Variants in GPHN observed in about 807,000 individuals in gnomAD.
GPHN encodes gephyrin.
GPHN carries 17 observed loss-of-function variants against 95.5 expected under a neutral mutation model. The ratio of observed to expected loss-of-function variants is 0.18; its 90% confidence interval spans 0.12 to 0.27. The LOEUF (loss-of-function observed/expected upper bound fraction) is 0.27, where lower values mean the gene tolerates loss of function less well. Among genes scored for constraint, GPHN ranks in the 10% least tolerant of loss-of-function variants. The pLI is 1.00. For synonymous variants in GPHN, 320 were observed against 322.5 expected (o/e 0.99, Z 0.08); for missense variants, 660 against 978.1 (o/e 0.67, Z 4.34).
chr14:67,431,405 A>C, the GPHN span, among the ~76,000 whole-genome samples: 5 of 150,182 alleles, frequency 3.3e-5, no homozygotes, highest in Admixed American at 6.6e-5. Context: ...AAAAAAAAAA[A>C]AAAAAAAAAA....
intron 2 of GPHN, among the ~76,000 whole-genome samples, chr14:66,762,119 T>A (rs1304295559): frequency 7.0e-6 from 1 of 143,128 alleles, no homozygotes; most frequent in Non-Finnish European, 1.5e-5. Flanking sequence ...GCACATAAAA[T>A]AAAACCTTTT....
At chr14:66,596,208 A>G (rs1454782170) in intron 1 of GPHN, among the ~76,000 whole-genome samples, 2 of 152,038 alleles carry the variant, frequency 1.3e-5, no homozygotes, top group African/African-American at 4.8e-5. Context: ...TATGGGCTTC[A>G]GAGGGGAGGA....
the GPHN span, among the ~76,000 whole-genome samples, chr14:67,658,799 G>T: frequency 0.12 from 18,936 of 152,092 alleles, 1,216 homozygotes; most frequent in Admixed American, 0.15. Context: ...GCATCCATTT[G>T]AAAATTTTAA....
chr14:67,659,469 CTG>C, the GPHN span, among the ~76,000 whole-genome samples: 8 of 151,308 alleles, frequency 5.3e-5, no homozygotes, highest in African/African-American at 1.9e-4. Context: ...ATACAAAGCA[CTG>C]TTTTTTTTTT....
chr14:66,646,739 G>A (rs961413317), intron 1 of GPHN, among the ~76,000 whole-genome samples: 10 of 151,970 alleles, frequency 6.6e-5, no homozygotes, highest in Non-Finnish European at 1.2e-4. Flanking sequence ...AGTAGGAAAT[G>A]GGGAGCTGTT....
At chr14:67,557,754 C>A in the GPHN span, among the ~76,000 whole-genome samples, 1 of 152,218 alleles carries the variant, frequency 6.6e-6, no homozygotes, top group Non-Finnish European at 1.5e-5. Flanking sequence ...GGTGGAAACA[C>A]CTCATAGAGC....
At chr14:66,674,832 G>A (rs2066494791) in intron 1 of GPHN, among the ~76,000 whole-genome samples, 1 of 152,152 alleles carries the variant, frequency 6.6e-6, no homozygotes, top group Admixed American at 6.5e-5. Context: ...TTTGATAAAT[G>A]CCCATTCCTG....
At chr14:66,718,691 C>A (rs541211020) in intron 2 of GPHN, among the ~76,000 whole-genome samples, 1 of 152,044 alleles carries the variant, frequency 6.6e-6, no homozygotes, top group African/African-American at 2.4e-5. Context: ...CTGATTGGTG[C>A]GTTTACAATC....
the GPHN span, chr14:67,642,433 T>C: frequency 6.5e-7 from 1 of 1,528,016 alleles, no homozygotes; most frequent in South Asian, 1.2e-5. Context: ...TTAGCTTCTT[T>C]ATCTGTTTCT....
In GPHN at chr14:66,680,739, T is replaced by A. The variant is rs558377946; in HGVS notation, c.65-368T>A. 6.9e-4 allele frequency among the ~76,000 whole-genome samples: 105 copies of A among 152,278 alleles called. 5 individuals carry two copies. Among genetic ancestry groups the A allele is most frequent in the Non-Finnish European group, 4.4e-5 (3 of 68,024 alleles). On this transcript the variant is annotated intron_variant, in intron 1 of 22. Transcript: ENST00000478722. ...TTGCTCGCCAATATTTTTAAAAATA[T>A]GATTTTGTAGTTTGTCTCTTTTTTT...
intron 21 of GPHN, among the ~76,000 whole-genome samples, chr14:67,172,018 G>A (rs2082630452): frequency 6.6e-6 from 1 of 152,142 alleles, no homozygotes; most frequent in Non-Finnish European, 1.5e-5. Context: ...CCCAGTAAAG[G>A]AGTCAACGCT....
At chr14:66,713,559 G>A (rs917620237) in intron 2 of GPHN, among the ~76,000 whole-genome samples, 1 of 152,086 alleles carries the variant, frequency 6.6e-6, no homozygotes, top group Non-Finnish European at 1.5e-5. Flanking sequence ...TTCAAATCAG[G>A]TAGTGTGATG....
intron 6 of GPHN, among the ~76,000 whole-genome samples, chr14:66,917,306 A>T (rs2065963550): frequency 6.6e-6 from 1 of 152,184 alleles, no homozygotes; most frequent in South Asian, 2.1e-4. Flanking sequence ...TCCCAGAATG[A>T]TGCTACTCAG....
At chr14:66,734,086 A>G (rs2072040095) in intron 2 of GPHN, among the ~76,000 whole-genome samples, 1 of 152,164 alleles carries the variant, frequency 6.6e-6, no homozygotes, top group Admixed American at 6.5e-5. Flanking sequence ...CAGTATTTCT[A>G]AATATCTGTT....
At chr14:67,470,360 A>G in the GPHN span, 1 of 152,322 alleles carries the variant, frequency 6.6e-6, no homozygotes, top group Admixed American at 6.5e-5. Context: ...CAATGGGCGC[A>G]CAAACCGGTC....
At chr14:66,859,314 A>G (rs1183337858) in intron 4 of GPHN, among the ~76,000 whole-genome samples, 1 of 152,174 alleles carries the variant, frequency 6.6e-6, no homozygotes, top group Non-Finnish European at 1.5e-5. Context: ...CAGCACAGAG[A>G]GAGACTCCAT....
chr14:66,768,299 GA>G (rs1295019566), intron 2 of GPHN, among the ~76,000 whole-genome samples: 1 of 151,616 alleles, frequency 6.6e-6, no homozygotes, highest in African/African-American at 2.4e-5. Flanking sequence ...TATCCTAATG[GA>G]AAAAAAGTAT....
the GPHN span, chr14:67,320,251 T>C: frequency 6.2e-7 from 1 of 1,612,908 alleles, no homozygotes; most frequent in African/African-American, 1.3e-5. Flanking sequence ...GAGGAGATCT[T>C]AACCTATGAG....
chr14:67,251,055 A>G, the GPHN span, among the ~76,000 whole-genome samples: 2 of 152,158 alleles, frequency 1.3e-5, no homozygotes, highest in African/African-American at 4.8e-5. Context: ...GAGATTAAAT[A>G]TTTTTTCCAT....
Sources: allele counts gnomAD v4.1 joint callset (sites outside exome capture counted in the v4.1 genomes callset), GRCh38; gene constraint gnomAD v4.1.1; transcripts MANE v1.5; gene names NCBI Gene and HGNC (gene_info 2026-07-23, HGNC 2026-07-21).